MSRB1: variants seen among roughly 807,000 people sequenced by gnomAD.
MSRB1 encodes methionine sulfoxide reductase B1, also known as methionine-R-sulfoxide reductase B1.
Under a neutral mutation model 15.2 loss-of-function variants are expected in MSRB1, and 13 were observed. The observed-to-expected ratio is 0.86, with a 90% CI of 0.56 to 1.36. MSRB1 has a LOEUF of 1.36. Ranked by LOEUF, MSRB1 falls within the 40% of genes most tolerant of loss-of-function variation. MSRB1 has a pLI of 0.00. For missense variants in MSRB1, 174 were observed against 155.9 expected (o/e 1.12, Z -0.62); for synonymous variants, 68 against 64.5 (o/e 1.05, Z -0.26).
chr16:1,941,256 C>G lies in MSRB1; in HGVS notation c.204+1G>C, dbSNP rs747853228. ...CCTCCCCCACCCCTGTGGCCTCTCA[C>G]CTTCAAGGCTTCAGATCTATTGTGC... is the stretch of plus-strand genomic sequence containing the variant. On this transcript the variant is annotated splice_donor_variant, in intron 2 of 3. Transcript: ENST00000361871. LOFTEE classifies it high-confidence loss of function. 23 of 1,613,674 alleles carry G rather than the reference C, an allele frequency of 1.4e-5. No individual in the cohort carries two copies. The highest frequency in any genetic ancestry group is 1.8e-5 in the Non-Finnish European group (21 of 1,179,994).
At chr16:1,942,633 A>T (rs2150858117) in intron 1 of MSRB1, among the ~76,000 whole-genome samples, 1 of 152,290 alleles carries the variant, frequency 6.6e-6, no homozygotes, top group South Asian at 2.1e-4. Flanking sequence ...GAGATCCCGG[A>T]CTCGGGGGAA....
At chr16:1,940,058 G>A (rs2083066394) in intron 3 of MSRB1, among the ~76,000 whole-genome samples, 1 of 151,732 alleles carries the variant, frequency 6.6e-6, no homozygotes, top group Admixed American at 6.6e-5. Flanking sequence ...GATCACCTGA[G>A]GTCAGGAGTT....
intron 3 of MSRB1, among the ~76,000 whole-genome samples, chr16:1,940,187 G>C (rs1410211322): frequency 1.3e-5 from 2 of 151,696 alleles, no homozygotes; most frequent in Non-Finnish European, 2.9e-5. Flanking sequence ...CAGGAGAATT[G>C]CTTGAACCAG....
chr16:1,940,872 G>T lies in MSRB1; in HGVS notation c.225C>A (p.Gly75=). ...EALKVSCGKC[G]NGLGHEFLND... ...TCAGGAACTCGTGGCCCAACCCATT[G>T]CCACACTTGCCACAGGACACCTGGA... Residue 75 remains glycine, a synonymous_variant, in exon 3 of 4, where the codon GGC becomes GGA. Coordinates refer to ENST00000361871, the MANE Select transcript of MSRB1 (RefSeq NM_016332.4). 6.2e-7 allele frequency: 1 copy of T among 1,614,156 alleles called. No individual in the cohort carries two copies. Among genetic ancestry groups the T allele is most frequent in the Non-Finnish European group, 8.5e-7 (1 of 1,180,042 alleles).
chr16:1,939,174 G>T, intron 3 of MSRB1, 31 bp from the exon 4 acceptor site: 2 of 1,590,290 alleles, frequency 1.3e-6, no homozygotes, highest in Admixed American at 1.9e-5. Flanking sequence ...CGGAAAGTAT[G>T]CGGGGACAGA....
At chr16:1,941,709 A>C (rs989475944) in intron 1 of MSRB1, 1 of 414,080 alleles carries the variant, frequency 2.4e-6, no homozygotes, top group South Asian at 2.6e-5. Flanking sequence ...AAGTGTGTGC[A>C]GCGTGAAGGA....
chr16:1,943,057 G>GC (rs1479818011), intron 1 of MSRB1, 45 bp downstream of exon 1: 2 of 1,546,856 alleles, frequency 1.3e-6, no homozygotes, highest in Admixed American at 2.0e-5. Context: ...GCTAATGCGC[G>GC]CCCCCCGCCG....
rs1279176916 is a variant in MSRB1, at chr16:1,940,801, C to T, written c.296G>A (p.Ser99Asn). The T allele has an allele frequency of 1.2e-6, 2 of 1,613,732 alleles. No homozygotes were observed. Among genetic ancestry groups the T allele is most frequent in the African/African-American group, 2.7e-5 (2 of 74,930 alleles). The change falls in exon 3 of 4, where the codon AGC becomes AAC. Residue 99 changes from serine to asparagine, a missense_variant. Transcript: ENST00000361871. ...ACCTTTAGGGACAAACTTCAGCGAG[C>T]TGCTGAATATTCAGAATCGGGACTG... ...PGQSRFUIFS[S>N]SLKFVPKGKE... is the part of the protein sequence containing the mutation.
chr16:1,938,881 G>T lies in MSRB1; in HGVS notation c.*231C>A, dbSNP rs1201225019. 1 of 621,072 alleles carries T rather than the reference G, an allele frequency of 1.6e-6. No individual in the cohort carries two copies. 38.5% of individuals were successfully genotyped at this position (621,072 alleles called of 1,614,324 possible). A position where few individuals can be genotyped will look rare whatever the true frequency, so the allele number is the denominator to read the frequency against. ...GGGGGCTAAGTCAGCCGACAGTGTGGCTGCACAGCCCAGGCCTGTCCCAGC... is the reference window on the plus strand; with the variant it reads ...GGGGGCTAAGTCAGCCGACAGTGTGTCTGCACAGCCCAGGCCTGTCCCAGC... On this transcript the variant is annotated 3_prime_UTR_variant, in exon 4 of 4. Transcript: ENST00000361871.
rs752182401 is a variant in MSRB1 at position 1,939,161 on chromosome 16, G to A, written c.320-18C>T. The A allele has an allele frequency of 6.3e-7, 1 of 1,598,094 alleles. No individual in the cohort carries two copies. Among genetic ancestry groups the A allele is most frequent in the Non-Finnish European group, 8.5e-7 (1 of 1,174,898 alleles). The stretch of plus-strand genomic sequence containing the variant: ...TTCTTTGCCTGAAAGAGAGGAGAGG[G>A]GGCGGAAAGTATGCGGGGACAGAAA... On this transcript the variant is annotated intron_variant, in intron 3 of 3. Coordinates refer to ENST00000361871, the MANE Select transcript of MSRB1 (RefSeq NM_016332.4).
At position 1,941,262 on chromosome 16, in the gene MSRB1, A is replaced by G. The variant is rs1463561424; in HGVS notation, c.199T>C (p.Leu67=). 1.9e-6 allele frequency: 3 copies of G among 1,612,746 alleles called. No individual in the cohort carries two copies. In the Admixed American group the frequency reaches 5.0e-5, roughly 27 times the overall value. ...KRPEHNRSEA[L]KVSCGKCGNG... ...CCACCCCTGTGGCCTCTCACCTTCA[A>G]GGCTTCAGATCTATTGTGCTCCGGA... Residue 67 remains leucine, a synonymous_variant, in exon 2 of 4, where the codon TTG becomes CTG. Coordinates refer to ENST00000361871, the MANE Select transcript of MSRB1 (RefSeq NM_016332.4).
intron 1 of MSRB1, 144 bp from the exon 2 acceptor site, chr16:1,941,549 G>A: frequency 5.1e-6 from 6 of 1,174,706 alleles, no homozygotes; most frequent in East Asian, 5.1e-5. Context: ...CCCGCCACGG[G>A]AGGCGCTGTG....
At position 1,943,014 on chromosome 16, in the gene MSRB1, G is replaced by A. The variant is rs1312433083; in HGVS notation, c.55+88C>T. 7.3e-6 allele frequency: 11 copies of A among 1,516,980 alleles called. No individual in the cohort carries two copies. In the Middle Eastern group the frequency reaches 6.9e-4, roughly 95 times the overall value. 94.0% of individuals were successfully genotyped at this position (1,516,980 alleles called of 1,614,324 possible). A position where few individuals can be genotyped will look rare whatever the true frequency, so the allele number is the denominator to read the frequency against. On this transcript the variant is annotated intron_variant, in intron 1 of 3. Coordinates refer to ENST00000361871, the MANE Select transcript of MSRB1 (RefSeq NM_016332.4). ...ATTCGCCCCCATTCCCGGCTTGGGA[G>A]AGACATCACCCCCGGACGACGGCGG... is the stretch of plus-strand genomic sequence containing the variant.
At chr16:1,941,097 C>T in intron 2 of MSRB1, 160 bp downstream of exon 2, 1 of 1,551,338 alleles carries the variant, frequency 6.4e-7, no homozygotes, top group Non-Finnish European at 8.7e-7. Context: ...CCAGGCTCTC[C>T]CGATAGCCTG....
Position 1,940,851 on chromosome 16 carries a change from G to T in MSRB1, c.246C>A (p.Phe82Leu). Residue 82 changes from phenylalanine to leucine, a missense_variant, in exon 3 of 4, where the codon TTC becomes TTA. Physicochemically the swap from Phe to Leu is conservative, Grantham distance 22 (BLOSUM62 0). Coordinates refer to ENST00000361871, the MANE Select transcript of MSRB1 (RefSeq NM_016332.4). ...GCCCCGGCTTGGGGCCGTCGTTCAG[G>T]AACTCGTGGCCCAACCCATTGCCAC... Reference protein sequence around the residue: ...GKCGNGLGHEFLNDGPKPGQS... With the variant: ...GKCGNGLGHELLNDGPKPGQS... The T allele has an allele frequency of 6.2e-7, 1 of 1,614,166 alleles. No homozygotes were observed. Among genetic ancestry groups the T allele is most frequent in the Non-Finnish European group, 8.5e-7 (1 of 1,180,052 alleles).
At position 1,943,107 on chromosome 16, in the gene MSRB1, T is replaced by A. The variant is rs552683667; in HGVS notation, c.50A>T (p.Glu17Val). 1.1e-4 allele frequency: 170 copies of A among 1,558,984 alleles called. 1 individual carries two copies. The South Asian group carries it at 2.0e-3, about 18-fold the overall frequency. ...FGGEVFQNHFEPGVYVCAKCG... is the reference protein window; with the variant it reads ...FGGEVFQNHFVPGVYVCAKCG... ...CGAGAGGCCGCAGGACCAACCAGGT[T>A]CAAAGTGATTCTGGAAAACCTCGCC... Residue 17 changes from glutamate to valine, a missense_variant, in exon 1 of 4, where the codon GAA (glutamate) becomes GTA (valine). Physicochemically the swap from Glu to Val is moderately radical, Grantham distance 121 (BLOSUM62 -2). Transcript: ENST00000361871.
intron 3 of MSRB1, 22 bp downstream of exon 3, chr16:1,940,756 C>T (rs752086291): frequency 1.4e-5 from 22 of 1,603,356 alleles, no homozygotes; most frequent in Middle Eastern, 1.7e-4. Flanking sequence ...GGCCTGGCCC[C>T]AGCTGTGCAA....
At chr16:1,941,065 T>C in intron 2 of MSRB1, 173 bp from the exon 3 acceptor site, 1 of 1,551,298 alleles carries the variant, frequency 6.4e-7, no homozygotes, top group South Asian at 1.2e-5. Flanking sequence ...CCTGTCCTGT[T>C]TCCCACATTT....
chr16:1,941,685 A>T (rs1376417604), intron 1 of MSRB1: 3 of 492,996 alleles, frequency 6.1e-6, no homozygotes, highest in Admixed American at 7.2e-5. Flanking sequence ...TTGGTGATGC[A>T]GACACTCAGC....
Sources: allele counts gnomAD v4.1 joint callset (sites outside exome capture counted in the v4.1 genomes callset), GRCh38; gene constraint gnomAD v4.1.1; transcripts MANE v1.5; gene names NCBI Gene and HGNC (gene_info 2026-07-23, HGNC 2026-07-21).